SV2C: variants seen among roughly 807,000 people sequenced by gnomAD.
SV2C encodes synaptic vesicle glycoprotein 2C, also known as solute carrier family 22 member B3.
SV2C carries 49 observed loss-of-function variants against 79.7 expected under a neutral mutation model. That is an observed-to-expected ratio of 0.61 (90% CI 0.49 to 0.78). SV2C has a LOEUF of 0.78. Among genes scored for constraint, SV2C ranks in the 30% least tolerant of loss-of-function variants. The probability of loss-of-function intolerance (pLI) is 0.00; values close to 1 mark genes in which losing one functional copy is unlikely to be tolerated. For synonymous variants in SV2C, 334 were observed against 333.2 expected, an observed-to-expected ratio of 1.00 and a Z score of -0.03; for missense variants, 833 against 912.9, an observed-to-expected ratio of 0.91 and a Z score of 1.13.
rs189067976 is a variant in SV2C at position 76,255,631 on chromosome 5, C to T, written c.914-29531C>T. Reference sequence around the variant, plus strand: ...AGATTTTCCCTACCAAATCCCAGTCCGTGGGTTGCCATCAAGTAACCCTTA... The same window carrying T: ...AGATTTTCCCTACCAAATCCCAGTCTGTGGGTTGCCATCAAGTAACCCTTA... On this transcript the variant is annotated intron_variant, in intron 4 of 12. Transcript: ENST00000502798. 1.3e-3 allele frequency among the ~76,000 whole-genome samples: 192 copies of T among 152,308 alleles called. 1 individual carries two copies. Among genetic ancestry groups the T allele is most frequent in the Middle Eastern group, 6.8e-3 (2 of 294 alleles).
rs1323598574 is a variant in SV2C, at chr5:76,342,575, ACT to A, written c.2001-10552_2001-10551del. Among the ~76,000 whole-genome samples the A allele has an allele frequency of 5.9e-5, 9 of 152,282 alleles. No individual in the cohort carries two copies. In the East Asian group the frequency reaches 1.7e-3, roughly 29 times the overall value. On this transcript the variant is annotated intron_variant, in intron 12 of 12. Transcript: ENST00000322285. ...CACTGTGCCAGGCCCCACAGGGCAC[ACT>A]CTGGAGCTGGTAAAGGTGGAGCAGC...
the SV2C span, among the ~76,000 whole-genome samples, chr5:75,891,251 A>G: frequency 6.6e-6 from 1 of 152,152 alleles, no homozygotes; most frequent in East Asian, 1.9e-4. Flanking sequence ...GAGGGGAAAC[A>G]GAGAGATAAC....
the SV2C span, among the ~76,000 whole-genome samples, chr5:76,011,664 A>C: frequency 2.0e-5 from 3 of 151,996 alleles, no homozygotes; most frequent in African/African-American, 7.3e-5. Context: ...CAGAACATGC[A>C]GGTTTGTTAC....
chr5:76,336,437 C>T (rs894863187), downstream of SV2C, among the ~76,000 whole-genome samples: 3 of 151,814 alleles, frequency 2.0e-5, no homozygotes, highest in Non-Finnish European at 4.4e-5. Context: ...GGGCTCCCCA[C>T]GTCCCAGACG....
the SV2C span, among the ~76,000 whole-genome samples, chr5:75,963,765 C>A: frequency 6.6e-6 from 1 of 152,086 alleles, no homozygotes; most frequent in African/African-American, 2.4e-5. Flanking sequence ...TCCATTTTCT[C>A]TGTTCTCTCT....
In SV2C at chr5:76,329,375, C is replaced by G. The variant is rs1458896662; in HGVS notation, c.*3828C>G. 6.6e-6 allele frequency: 1 copy of G among 152,180 alleles called. No homozygotes were observed. Among genetic ancestry groups the G allele is most frequent in the Non-Finnish European group, 1.5e-5 (1 of 68,036 alleles). 9.4% of individuals were successfully genotyped at this position (152,180 alleles called of 1,614,324 possible). On this transcript the variant is annotated 3_prime_UTR_variant, in exon 13 of 13. Transcript: ENST00000502798. ...TCCTGACTGTTTATTCCATTATTTT[C>G]TTGAAACATGGCCTTAAGTATTATA... is the stretch of plus-strand genomic sequence containing the variant.
intron 9 of SV2C, 23 bp downstream of exon 9, chr5:76,295,965 A>C: frequency 6.5e-7 from 1 of 1,541,010 alleles, no homozygotes; most frequent in Non-Finnish European, 8.7e-7. Context: ...GAAATAATTT[A>C]ATTTGCTACC....
At chr5:76,006,425 A>G in the SV2C span, among the ~76,000 whole-genome samples, 12 of 152,176 alleles carry the variant, frequency 7.9e-5, no homozygotes, top group Non-Finnish European at 1.6e-4. Context: ...AGTGTACAAT[A>G]TGGGGGCAGT....
chr5:76,175,700 T>C (rs2112288297), intron 2 of SV2C, among the ~76,000 whole-genome samples: 1 of 152,314 alleles, frequency 6.6e-6, no homozygotes, highest in African/African-American at 2.4e-5. Flanking sequence ...AGATGTAAGA[T>C]CTAGAAAATC....
chr5:75,920,811 G>A, the SV2C span: 12,619 of 770,382 alleles, frequency 0.016, 119 homozygotes, highest in Non-Finnish European at 0.022. Context: ...CTTGCCAGGC[G>A]AGACGTTCTT....
At chr5:75,850,411 G>T in the SV2C span, among the ~76,000 whole-genome samples, 1 of 152,034 alleles carries the variant, frequency 6.6e-6, no homozygotes, top group Admixed American at 6.5e-5. Context: ...GTTTTTATTA[G>T]GATTTTAAGC....
intron 1 of SV2C, among the ~76,000 whole-genome samples, chr5:76,124,283 G>C (rs1307665797): frequency 4.6e-5 from 7 of 152,104 alleles, no homozygotes; most frequent in African/African-American, 1.7e-4. Context: ...ACTTCTCCCA[G>C]ATCCTGGCAA....
At chr5:76,340,478 C>T (rs543105652) in intron 12 of SV2C, among the ~76,000 whole-genome samples, 12 of 152,306 alleles carry the variant, frequency 7.9e-5, no homozygotes, top group Admixed American at 6.5e-4. Context: ...AGTCAGGACA[C>T]AGGCATGTGG....
the SV2C span, among the ~76,000 whole-genome samples, chr5:76,076,278 C>T: frequency 6.6e-6 from 1 of 152,172 alleles, no homozygotes; most frequent in Non-Finnish European, 1.5e-5. Context: ...GGTAGGGCAA[C>T]CAGCAGAGTT....
chr5:75,900,103 C>G, the SV2C span, among the ~76,000 whole-genome samples: 1 of 152,122 alleles, frequency 6.6e-6, no homozygotes, highest in Non-Finnish European at 1.5e-5. Flanking sequence ...TTGATCCTGT[C>G]ATTATGATGT....
At chr5:75,931,336 A>G in the SV2C span, among the ~76,000 whole-genome samples, 4 of 152,172 alleles carry the variant, frequency 2.6e-5, no homozygotes, top group African/African-American at 9.7e-5. Flanking sequence ...CAAATCTTCT[A>G]TGTGGTCATA....
intron 12 of SV2C, among the ~76,000 whole-genome samples, chr5:76,308,803 T>C (rs1748304119): frequency 2.0e-5 from 3 of 152,232 alleles, no homozygotes; most frequent in South Asian, 4.1e-4. Context: ...TATTTTGTTG[T>C]ACTTATCAAG....
chr5:75,858,830 G>A, the SV2C span, among the ~76,000 whole-genome samples: 2 of 151,414 alleles, frequency 1.3e-5, no homozygotes, highest in Non-Finnish European at 2.9e-5. Context: ...ACTCTTGGTA[G>A]GTTGTATGTG....
At position 76,131,809 on chromosome 5, in the gene SV2C, G is replaced by A. The variant is rs780229412; in HGVS notation, c.59G>A (p.Arg20Lys). The stretch of plus-strand genomic sequence containing the variant: ...ATGAAGGGTGCCAAGGACATTGCCA[G>A]AGAGGTGAAGAAACAAACAGTAAAG... ...SLMKGAKDIA[R>K]EVKKQTVKKV... The change falls in exon 2 of 13, where the codon AGA (arginine) becomes AAA (lysine). Residue 20 changes from arginine to lysine, a missense_variant. Arg to Lys is a conservative substitution (Grantham distance 26, BLOSUM62 2). Transcript: ENST00000502798. 8 of 1,614,048 alleles carry A rather than the reference G, an allele frequency of 5.0e-6. No individual in the cohort carries two copies. The highest frequency in any genetic ancestry group is 4.4e-5 in the South Asian group (4 of 91,074).
Sources: allele counts gnomAD v4.1 joint callset (sites outside exome capture counted in the v4.1 genomes callset), GRCh38; gene constraint gnomAD v4.1.1; transcripts MANE v1.5; gene names NCBI Gene and HGNC (gene_info 2026-07-23, HGNC 2026-07-21).